The following ANGPTL5 variants were observed in gnomAD, a reference collection of about 807,000 sequenced individuals.
The protein encoded by ANGPTL5 is angiopoietin like 5, also known as angiopoietin-related protein 5.
Under a neutral mutation model 39.4 loss-of-function variants are expected in ANGPTL5, and 34 were observed. The ratio of observed to expected loss-of-function variants is 0.86; its 90% CI spans 0.66 to 1.15. The LOEUF (loss-of-function observed/expected upper bound fraction) is 1.15, where lower values mean the gene tolerates loss of function less well. Ranked by LOEUF, ANGPTL5 falls within the 50% of genes most tolerant of loss-of-function variation. The pLI, the probability that ANGPTL5 is intolerant of heterozygous loss-of-function variation, is 0.00. For synonymous variants in ANGPTL5, 146 were observed against 152.1 expected (o/e 0.96, Z 0.29); for missense variants, 467 against 457.5 (o/e 1.02, Z -0.19).
At chr11:101,915,275 GA>G in intron 1 of ANGPTL5, 2 of 1,613,420 alleles carry the variant, frequency 1.2e-6, no homozygotes, top group Non-Finnish European at 1.7e-6. Flanking sequence ...AGGCGGCGCT[GA>G]AGTGAAGGAT....
At chr11:101,906,179 T>C (rs940859498) in intron 3 of ANGPTL5, among the ~76,000 whole-genome samples, 1 of 152,124 alleles carries the variant, frequency 6.6e-6, no homozygotes, top group Non-Finnish European at 1.5e-5. Context: ...GCAGGAGTTA[T>C]AGGATTCATC....
At chr11:101,900,352 G>C in intron 7 of ANGPTL5, 78 bp downstream of exon 7, 1 of 1,445,780 alleles carries the variant, frequency 6.9e-7, no homozygotes, top group South Asian at 1.2e-5. Flanking sequence ...TTTTACTACA[G>C]ATCTGACCAA....
chr11:101,904,792 G>C, intron 5 of ANGPTL5, 22 bp downstream of exon 5: 1 of 1,591,600 alleles, frequency 6.3e-7, no homozygotes, highest in Middle Eastern at 1.7e-4. Flanking sequence ...ACATGAAAAG[G>C]CTGAAATACC....
At chr11:101,905,603 A>G (rs1939985498) in intron 4 of ANGPTL5, 141 bp downstream of exon 4, 1 of 643,008 alleles carries the variant, frequency 1.6e-6, no homozygotes, top group Admixed American at 2.9e-5. Flanking sequence ...TGTTTGCCTA[A>G]AGTTTACTAT....
Position 101,894,800 on chromosome 11 carries a change from G to T in ANGPTL5, c.847+79C>A. On this transcript the variant is annotated intron_variant, in intron 8 of 8. Transcript: ENST00000334289. Reference sequence around the variant, plus strand: ...TTATGTGTTATATACAAAGACAAATGCATTATTTTTATCTTCACTTAATAA... The same window carrying T: ...TTATGTGTTATATACAAAGACAAATTCATTATTTTTATCTTCACTTAATAA... 5 of 1,291,046 alleles carry T rather than the reference G, an allele frequency of 3.9e-6. No homozygotes were observed. The Admixed American group carries it at 7.1e-5, about 18-fold the overall frequency. The allele number at this position is 1,291,046 out of a possible 1,614,324, so 80.0% of individuals were successfully genotyped here.
At chr11:101,910,424 A>AAAAATATATATAT (rs1469724609) in intron 1 of ANGPTL5, among the ~76,000 whole-genome samples, 10 of 127,206 alleles carry the variant, frequency 7.9e-5, no homozygotes, top group South Asian at 2.6e-4. Context: ...AAAAAAAAAA[A>AAAAATATATATAT]ATATATATAT....
intron 7 of ANGPTL5, among the ~76,000 whole-genome samples, chr11:101,896,730 C>A (rs1939804123): frequency 6.6e-6 from 1 of 152,162 alleles, no homozygotes; most frequent in African/African-American, 2.4e-5. Context: ...GTATATGTGC[C>A]ACATTTTCCT....
intron 3 of ANGPTL5, 82 bp downstream of exon 3, chr11:101,907,021 A>G: frequency 9.0e-7 from 1 of 1,116,918 alleles, no homozygotes; most frequent in Admixed American, 2.5e-5. Context: ...ACCCAGACAA[A>G]AGCTAAAGTA....
At chr11:101,904,765 T>C (rs771220590) in intron 5 of ANGPTL5, 49 bp downstream of exon 5, 16 of 1,511,942 alleles carry the variant, frequency 1.1e-5, no homozygotes, top group Non-Finnish European at 1.5e-5. Flanking sequence ...AGGAAAATTT[T>C]AAGCAATAAA....
chr11:101,913,457 C>A (rs80048244), intron 1 of ANGPTL5, among the ~76,000 whole-genome samples: 1 of 152,172 alleles, frequency 6.6e-6, no homozygotes, highest in South Asian at 2.1e-4. Context: ...TTCAAAGTAC[C>A]TGCCTCTTTA....
chr11:101,892,858 C>T (rs111357308), intron 8 of ANGPTL5, among the ~76,000 whole-genome samples: 21 of 152,322 alleles, frequency 1.4e-4, no homozygotes, highest in African/African-American at 4.6e-4. Context: ...ACTTCATTAG[C>T]AGTGGTGGCC....
At chr11:101,912,798 T>C (rs1225454391) in intron 1 of ANGPTL5, among the ~76,000 whole-genome samples, 1 of 152,198 alleles carries the variant, frequency 6.6e-6, no homozygotes, top group Non-Finnish European at 1.5e-5. Context: ...AGGTCAGCTA[T>C]GCCTCATTAT....
chr11:101,891,477 G>C lies in ANGPTL5; in HGVS notation c.969C>G (p.Ser323Arg). 6.2e-7 allele frequency: 1 copy of C among 1,614,038 alleles called. No homozygotes were observed. The highest frequency in any genetic ancestry group is 8.5e-7 in the Non-Finnish European group (1 of 1,179,978). The change falls in exon 9 of 9, where the codon AGC becomes AGG. Residue 323 changes from serine (S) to arginine (R), a missense_variant. Coordinates refer to ENST00000334289, the MANE Select transcript of ANGPTL5 (RefSeq NM_178127.5). ...ACLVNGQSVK[S>R]CSHLHNKTGW... ...CGGTCTTGTTATGGAGGTGACTGCAGCTCTTCACAGACTGACCATTGACCA... is the reference window on the plus strand; with the variant it reads ...CGGTCTTGTTATGGAGGTGACTGCACCTCTTCACAGACTGACCATTGACCA...
At chr11:101,896,682 G>C (rs1050840082) in intron 7 of ANGPTL5, among the ~76,000 whole-genome samples, 2 of 152,122 alleles carry the variant, frequency 1.3e-5, no homozygotes, top group African/African-American at 4.8e-5. Flanking sequence ...CAAAGGACAT[G>C]AACTCATTCT....
intron 8 of ANGPTL5, among the ~76,000 whole-genome samples, chr11:101,894,278 T>A (rs181343647): frequency 1.3e-5 from 2 of 152,124 alleles, no homozygotes; most frequent in Non-Finnish European, 2.9e-5. Context: ...AACAAGGGAG[T>A]TGAATTTAGT....
At chr11:101,898,057 C>T (rs1400107817) in intron 7 of ANGPTL5, among the ~76,000 whole-genome samples, 1 of 151,968 alleles carries the variant, frequency 6.6e-6, no homozygotes, top group African/African-American at 2.4e-5. Context: ...AACCCCATCT[C>T]TATTAAATTA....
intron 5 of ANGPTL5, among the ~76,000 whole-genome samples, chr11:101,903,520 G>A (rs1432845256): frequency 2.0e-5 from 3 of 151,988 alleles, no homozygotes; most frequent in Admixed American, 6.6e-5. Context: ...AACTATTTAC[G>A]TAGTAAGGTA....
chr11:101,896,154 CTATA>C (rs1282903411), intron 7 of ANGPTL5, among the ~76,000 whole-genome samples: 2 of 138,606 alleles, frequency 1.4e-5, no homozygotes, highest in Non-Finnish European at 3.1e-5. Context: ...TTCTGTAATC[CTATA>C]TTTATTTATT....
intron 7 of ANGPTL5, among the ~76,000 whole-genome samples, chr11:101,897,995 A>T (rs1939829374): frequency 6.6e-6 from 1 of 152,144 alleles, no homozygotes; most frequent in African/African-American, 2.4e-5. Flanking sequence ...AGGCCGAGGC[A>T]GGTGGATCAC....
Sources: gnomAD v4.1 joint callset for allele counts (sites outside exome capture counted in the v4.1 genomes callset) on GRCh38, gnomAD v4.1.1 for gene constraint, MANE v1.5 for transcripts, NCBI Gene and HGNC (gene_info 2026-07-23, HGNC 2026-07-21) for gene names.